Variants in ZNF652 observed in about 807,000 individuals in gnomAD.
ZNF652 encodes zinc finger protein 652.
ZNF652 carries 16 observed loss-of-function variants against 45.2 expected under a neutral mutation model. That is an observed-to-expected ratio of 0.35 (90% CI 0.24 to 0.54). The LOEUF is 0.54. ZNF652 is among the 20% of genes least tolerant of loss of function. The pLI, the probability that ZNF652 is intolerant of heterozygous loss-of-function variation, is 0.91. For missense variants in ZNF652, 614 were observed against 765.6 expected (o/e 0.80, Z 2.34); for synonymous variants, 250 against 260.6 (o/e 0.96, Z 0.39).
intron 1 of ZNF652, among the ~76,000 whole-genome samples, chr17:49,347,861 C>T (rs997322929): frequency 6.6e-6 from 1 of 150,940 alleles, no homozygotes; most frequent in Non-Finnish European, 1.5e-5. Flanking sequence ...CCTGCCACCT[C>T]ACCTTCCCAA....
At position 49,316,943 on chromosome 17, in the gene ZNF652, C is replaced by T. The variant is rs779896747; in HGVS notation, c.783G>A (p.Glu261=). The T allele has an allele frequency of 5.0e-6, 8 of 1,614,070 alleles. No individual in the cohort carries two copies. Among genetic ancestry groups the T allele is most frequent in the Non-Finnish European group, 6.8e-6 (8 of 1,180,042 alleles). ...PRVFNTRWYL[E]KHMNVTHRRM... ...GCCTATGAGTAACGTTCATGTGCTT[C>T]TCCAGGTACCAGCGAGTGTTAAATA... is the stretch of plus-strand genomic sequence containing the variant. Residue 261 remains glutamate (E), a synonymous_variant, in exon 2 of 6, where the codon GAG becomes GAA. Transcript: ENST00000430262.
At chr17:49,288,278 A>C (rs2069362281), downstream of ZNF652, 1 of 152,140 alleles carries the variant, frequency 6.6e-6, no homozygotes, top group African/African-American at 2.4e-5. Flanking sequence ...CCTACCCTGT[A>C]TCTATGAAGA....
intron 1 of ZNF652, among the ~76,000 whole-genome samples, chr17:49,340,011 C>T (rs946625423): frequency 6.6e-6 from 1 of 152,146 alleles, no homozygotes; most frequent in Non-Finnish European, 1.5e-5. Context: ...GGATTACAGG[C>T]GTGAGCCACC....
intron 5 of ZNF652, among the ~76,000 whole-genome samples, chr17:49,307,765 GACA>G (rs752699637): frequency 4.6e-5 from 7 of 151,798 alleles, no homozygotes; most frequent in Non-Finnish European, 8.8e-5. Flanking sequence ...ACAAACAAAC[GACA>G]ACAACAAAAA....
At position 49,298,803 on chromosome 17, in the gene ZNF652, C is replaced by T. The variant is rs1381884705; in HGVS notation, c.1431G>A (p.Arg477=). Residue 477 remains arginine, a synonymous_variant, in exon 6 of 6, where the codon CGG becomes CGA. Coordinates refer to ENST00000430262, the MANE Select transcript of ZNF652 (RefSeq NM_001145365.3). ...CCTTAAGCATGTTCGAGAAGCGGAA[C>T]CGCTGGCCACACACATCACATGGAT... ...KPYPCDVCGQ[R]FRFSNMLKAH... 2 of 1,613,938 alleles carry T rather than the reference C, an allele frequency of 1.2e-6. No homozygotes were observed. The highest frequency in any genetic ancestry group is 1.3e-5 in the African/African-American group (1 of 74,880).
In ZNF652 at chr17:49,354,984, C is replaced by T. The variant is rs144058848; in HGVS notation, c.-259+6925G>A. Among the ~76,000 whole-genome samples, 1,148 of 152,242 alleles carry T rather than the reference C, an allele frequency of 7.5e-3. 44 individuals carry two copies. Among genetic ancestry groups the T allele is most frequent in the East Asian group, 0.069 (358 of 5,170 alleles). ...CAAGTGATCTGCCCACCTCAGCCTC[C>T]CAAAGTGCTGGGATTACAGGCATGA... On this transcript the variant is annotated intron_variant, in intron 1 of 5. Coordinates refer to ENST00000430262, the MANE Select transcript of ZNF652 (RefSeq NM_001145365.3).
At chr17:49,325,180 TTTTGA>T (rs1247781920) in intron 1 of ZNF652, among the ~76,000 whole-genome samples, 6 of 152,184 alleles carry the variant, frequency 3.9e-5, no homozygotes, top group South Asian at 2.1e-4. Context: ...GATTTCTAGC[TTTTGA>T]TTTAAAATTA....
At chr17:49,349,172 G>A (rs1346690675) in intron 1 of ZNF652, among the ~76,000 whole-genome samples, 1 of 152,182 alleles carries the variant, frequency 6.6e-6, no homozygotes, top group Admixed American at 6.5e-5. Context: ...GCTCACGCCT[G>A]TAATCCCAGT....
chr17:49,358,525 T>C (rs2070361109), intron 1 of ZNF652, among the ~76,000 whole-genome samples: 1 of 152,184 alleles, frequency 6.6e-6, no homozygotes, highest in Non-Finnish European at 1.5e-5. Context: ...GAAATGAAAT[T>C]CAAGAGTATA....
intron 1 of ZNF652, among the ~76,000 whole-genome samples, chr17:49,342,299 A>G (rs9910853): frequency 0.026 from 3,924 of 152,282 alleles, 158 homozygotes; most frequent in African/African-American, 0.086. Flanking sequence ...CAAGAACCAC[A>G]TAAGAAAATA....
intron 2 of ZNF652, among the ~76,000 whole-genome samples, chr17:49,314,450 G>A (rs550685028): frequency 6.6e-6 from 1 of 152,104 alleles, no homozygotes; most frequent in Admixed American, 6.6e-5. Context: ...GTGAGCTACT[G>A]CACCCAGCCT....
At chr17:49,299,151 C>T (rs1053524712) in intron 5 of ZNF652, among the ~76,000 whole-genome samples, 8 of 151,844 alleles carry the variant, frequency 5.3e-5, no homozygotes, top group Non-Finnish European at 8.8e-5. Context: ...TAAAAATCCT[C>T]TCAAATTTGG....
At chr17:49,332,599 G>A (rs2070036496) in intron 1 of ZNF652, among the ~76,000 whole-genome samples, 1 of 152,170 alleles carries the variant, frequency 6.6e-6, no homozygotes. Flanking sequence ...CAAAACCCCA[G>A]GCTAAAAACT....
At position 49,298,560 on chromosome 17, in the gene ZNF652, G is replaced by A; in HGVS notation, c.1674C>T (p.His558=). Residue 558 remains histidine, a synonymous_variant, in exon 6 of 6, where the codon CAC becomes CAT. Coordinates refer to ENST00000430262, the MANE Select transcript of ZNF652 (RefSeq NM_001145365.3). Reference sequence around the variant, plus strand: ...CTGGAGGGATGGGAAGGTGGTGTGGGTGGTGAGGGTGTGGGTGGATGTGCA... The same window carrying A: ...CTGGAGGGATGGGAAGGTGGTGTGGATGGTGAGGGTGTGGGTGGATGTGCA... ...SHLHIHPHPH[H]PHHLPIPPVP... 1 of 1,611,498 alleles carries A rather than the reference G, an allele frequency of 6.2e-7. No homozygotes were observed. The highest frequency in any genetic ancestry group is 1.7e-4 in the Middle Eastern group (1 of 5,774).
chr17:49,290,241 A>T lies in ZNF652; in HGVS notation c.*8172T>A, dbSNP rs1477201120. On this transcript the variant is annotated 3_prime_UTR_variant, in exon 6 of 6. Coordinates refer to ENST00000430262, the MANE Select transcript of ZNF652 (RefSeq NM_001145365.3). ...ATGCCTCCCGGCTCTACAGGGGGTA[A>T]TATTTACTGTCGTCTTTTCCCTTCC... The T allele has an allele frequency of 4.6e-5, 7 of 152,200 alleles. No homozygotes were observed. In the East Asian group the frequency reaches 1.3e-3, roughly 29 times the overall value. The allele number at this position is 152,200 out of a possible 1,614,324, so 9.4% of individuals were successfully genotyped here.
chr17:49,325,921 CAA>C (rs935204057), intron 1 of ZNF652, among the ~76,000 whole-genome samples: 4 of 151,998 alleles, frequency 2.6e-5, no homozygotes, highest in Non-Finnish European at 5.9e-5. Flanking sequence ...TTTATTAGTG[CAA>C]AGACTATGGT....
rs1177645372 is a variant in ZNF652 at position 49,294,383 on chromosome 17, C to T, written c.*4030G>A. On this transcript the variant is annotated 3_prime_UTR_variant, in exon 6 of 6. Coordinates refer to ENST00000430262, the MANE Select transcript of ZNF652 (RefSeq NM_001145365.3). ...ATGTAAATGGTAGACTATGAAAGTA[C>T]AGGTAACTGATTTGCACAGTCTTCT... Among the ~76,000 whole-genome samples, 2 of 152,110 alleles carry T rather than the reference C, an allele frequency of 1.3e-5. No homozygotes were observed. Among genetic ancestry groups the T allele is most frequent in the African/African-American group, 4.8e-5 (2 of 41,428 alleles).
rs1208961953 is a variant in ZNF652 at position 49,349,872 on chromosome 17, G to C, written c.-259+12037C>G. On this transcript the variant is annotated intron_variant, in intron 1 of 5. Transcript: ENST00000430262. ...TGAATGTCACAAGATAACTCTTAAA[G>C]ATACTAATGTCAAAGATAACTTACA... Among the ~76,000 whole-genome samples, 4 of 152,116 alleles carry C rather than the reference G, an allele frequency of 2.6e-5. 1 individual carries two copies. The South Asian group carries it at 6.2e-4, about 24-fold the overall frequency.
intron 2 of ZNF652, among the ~76,000 whole-genome samples, chr17:49,316,347 A>G (rs1034636287): frequency 1.3e-5 from 2 of 152,228 alleles, no homozygotes; most frequent in African/African-American, 2.4e-5. Flanking sequence ...TGGTAAAAGC[A>G]AACTCACTGC....
Sources: gnomAD v4.1 joint callset for allele counts (sites outside exome capture counted in the v4.1 genomes callset) on GRCh38, gnomAD v4.1.1 for gene constraint, MANE v1.5 for transcripts, NCBI Gene and HGNC (gene_info 2026-07-23, HGNC 2026-07-21) for gene names.